The following ZFYVE26 variants were observed in gnomAD, a reference collection of about 807,000 sequenced individuals.
The protein encoded by ZFYVE26 is zinc finger FYVE-type containing 26.
ZFYVE26 carries 181 observed loss-of-function variants against 276.5 expected under a neutral mutation model. The observed-to-expected ratio is 0.65, with a 90% confidence interval of 0.58 to 0.74. ZFYVE26 has a LOEUF of 0.74. Ranked by LOEUF, ZFYVE26 falls within the 30% of genes least tolerant of loss-of-function variation. The pLI is 0.00. For synonymous variants in ZFYVE26, 1,129 were observed against 1,203.1 expected, an observed-to-expected ratio of 0.94 and a Z score of 1.27; for missense variants, 2,821 against 3,097.9, an observed-to-expected ratio of 0.91 and a Z score of 2.12.
In ZFYVE26 at chr14:67,782,786, C is replaced by T. The variant is rs144795382; in HGVS notation, c.4366G>A (p.Ala1456Thr). The T allele has an allele frequency of 2.5e-6, 4 of 1,614,196 alleles. No individual in the cohort carries two copies. The highest frequency in any genetic ancestry group is 3.4e-6 in the Non-Finnish European group (4 of 1,180,048). Residue 1456 changes from alanine (A) to threonine (T), a missense_variant, in exon 21 of 42, where the codon GCA becomes ACA. Ala to Thr is a moderately conservative substitution (Grantham distance 58). Coordinates refer to ENST00000347230, the MANE Select transcript of ZFYVE26 (RefSeq NM_015346.4). Reference sequence around the variant, plus strand: ...GGCATAGCATTCTGCTCACCACATGCCACAGCACAGCTCAGGACTGCATCC... The same window carrying T: ...GGCATAGCATTCTGCTCACCACATGTCACAGCACAGCTCAGGACTGCATCC... Reference protein sequence around the residue: ...IKDAVLSCAVACDKEGWQYLF... With the variant: ...IKDAVLSCAVTCDKEGWQYLF...
At chr14:67,768,333 A>T (rs755940234) in intron 30 of ZFYVE26, among the ~76,000 whole-genome samples, 184 bp downstream of exon 30, 4 of 152,238 alleles carry the variant, frequency 2.6e-5, no homozygotes, top group Non-Finnish European at 5.9e-5. Flanking sequence ...AGGCCAGTGT[A>T]ATAGGTTAAT....
chr14:67,815,856 T>C lies in ZFYVE26; in HGVS notation c.108A>G (p.Val36=), dbSNP rs759457505. ...RGEWELAQAC[V]PQLQEGQGDI... ...CCCCTTGTCCCTCCTGTAGCTGAGG[T>C]ACACATGCCTGTGCCAGCTCCCATT... The change falls in exon 2 of 42, where the codon GTA becomes GTG. Residue 36 remains valine, a synonymous_variant. Transcript: ENST00000347230. The C allele has an allele frequency of 1.2e-6, 2 of 1,614,118 alleles. No homozygotes were observed. Among genetic ancestry groups the C allele is most frequent in the South Asian group, 2.2e-5 (2 of 91,074 alleles).
chr14:67,738,801 A>G (rs1431841190), intron 13 of ZFYVE26, among the ~76,000 whole-genome samples: 1 of 152,180 alleles, frequency 6.6e-6, no homozygotes, highest in Non-Finnish European at 1.5e-5. Context: ...GTTAGCTGTC[A>G]CCCAGTAGTC....
At chr14:67,808,008 T>A in intron 4 of ZFYVE26, 88 bp from the exon 5 acceptor site, 1 of 1,488,970 alleles carries the variant, frequency 6.7e-7, no homozygotes, top group Non-Finnish European at 9.3e-7. Flanking sequence ...CTTTTTCAGT[T>A]TACTTATATA....
At chr14:67,769,863 G>A in intron 28 of ZFYVE26, 133 bp from the exon 29 acceptor site, 2 of 1,247,740 alleles carry the variant, frequency 1.6e-6, no homozygotes, top group Non-Finnish European at 2.3e-6. Flanking sequence ...GTCTCTATTG[G>A]AAAAGGACAC....
At chr14:67,751,620 TC>T (rs5809362) in intron 40 of ZFYVE26, 54,443 of 193,658 alleles carry the variant, frequency 0.28, 8,697 homozygotes, top group East Asian at 0.5. Context: ...ACGCCTGTAA[TC>T]CCAGCACTTT....
chr14:67,767,879 T>C (rs1414809152), intron 30 of ZFYVE26, 39 bp from the exon 31 acceptor site: 1 of 1,613,836 alleles, frequency 6.2e-7, no homozygotes, highest in African/African-American at 1.3e-5. Flanking sequence ...ATTCACTGGC[T>C]GGCAGTTCAG....
intron 16 of ZFYVE26, among the ~76,000 whole-genome samples, chr14:67,787,685 G>T (rs1465045992): frequency 6.6e-6 from 1 of 152,152 alleles, no homozygotes; most frequent in East Asian, 1.9e-4. Context: ...TTTATTTTAG[G>T]ATATAAGTAT....
chr14:67,788,361 A>C (rs2039710875), intron 16 of ZFYVE26, among the ~76,000 whole-genome samples: 1 of 152,204 alleles, frequency 6.6e-6, no homozygotes. Flanking sequence ...GTGCCACTGC[A>C]CTCCAGCCTG....
At chr14:67,788,153 G>T (rs563161965) in intron 16 of ZFYVE26, among the ~76,000 whole-genome samples, 1 of 152,184 alleles carries the variant, frequency 6.6e-6, no homozygotes, top group South Asian at 2.1e-4. Context: ...CACTTTGGGA[G>T]GCTGAGGCAG....
chr14:67,769,983 A>G (rs2039165089), intron 28 of ZFYVE26: 1 of 534,624 alleles, frequency 1.9e-6, no homozygotes. Flanking sequence ...CTACTTGTGT[A>G]TGGAGGCAAC....
At chr14:67,815,374 T>C (rs561462302) in intron 2 of ZFYVE26, among the ~76,000 whole-genome samples, 1 of 152,326 alleles carries the variant, frequency 6.6e-6, no homozygotes, top group African/African-American at 2.4e-5. Context: ...CTTGTGAGAC[T>C]GCAATTATTT....
In ZFYVE26 at chr14:67,805,542, A is replaced by G; in HGVS notation, c.1094T>C (p.Leu365Pro). The change falls in exon 7 of 42, where the codon CTC (leucine) becomes CCC (proline). Residue 365 changes from leucine (L) to proline (P), a missense_variant. Coordinates refer to ENST00000347230, the MANE Select transcript of ZFYVE26 (RefSeq NM_015346.4). The part of the protein sequence containing the change: ...GCLLDREFRP[L>P]SCLLVLLGWT... ...GCCCAGGAGTACAAGCAGGCAACTGAGGGGCCTGAATTCTCTATCAAGTAG... is the reference window on the plus strand; with the variant it reads ...GCCCAGGAGTACAAGCAGGCAACTGGGGGGCCTGAATTCTCTATCAAGTAG... 6.2e-7 allele frequency: 1 copy of G among 1,614,196 alleles called. No individual in the cohort carries two copies. The highest frequency in any genetic ancestry group is 1.1e-5 in the South Asian group (1 of 91,086).
In ZFYVE26 at chr14:67,783,228, A is replaced by G; in HGVS notation, c.3924T>C (p.Leu1308=). The part of the protein sequence containing the change: ...PALTSSALAF[L]KSRSKLLATV... ...TAGCTAGGAGCTTTGAGCGTGACTT[A>G]AGAAAGGCCAAGGCAGAGGAGGTGA... Residue 1308 remains leucine, a synonymous_variant, in exon 21 of 42, where the codon CTT becomes CTC. Transcript: ENST00000347230. 6.2e-7 allele frequency: 1 copy of G among 1,613,832 alleles called. No individual in the cohort carries two copies. The highest frequency in any genetic ancestry group is 8.5e-7 in the Non-Finnish European group (1 of 1,179,760).
chr14:67,772,717 T>G (rs1214146779), intron 27 of ZFYVE26, among the ~76,000 whole-genome samples: 1 of 152,138 alleles, frequency 6.6e-6, no homozygotes, highest in African/African-American at 2.4e-5. Context: ...GGAGAATCAC[T>G]TGAGGCCAGG....
chr14:67,797,902 G>A lies in ZFYVE26; in HGVS notation c.2248+112C>T, dbSNP rs1040039587. The A allele has an allele frequency of 1.0e-5, 16 of 1,591,630 alleles. No homozygotes were observed. In the Admixed American group the frequency reaches 1.2e-4, roughly 12 times the overall value. On this transcript the variant is annotated intron_variant, in intron 11 of 41. Coordinates refer to ENST00000347230, the MANE Select transcript of ZFYVE26 (RefSeq NM_015346.4). The stretch of plus-strand genomic sequence containing the variant: ...TTCTGACACTGGTTGCCATGGTGAC[G>A]ATATGCCCTGAGTTATGGGGTGACT...
At chr14:67,737,139 T>C (rs1380715001) in intron 13 of ZFYVE26, among the ~76,000 whole-genome samples, 1 of 146,046 alleles carries the variant, frequency 6.8e-6, no homozygotes, top group East Asian at 2.2e-4. Context: ...CTGTTGCCCA[T>C]GCTGGCCTTG....
chr14:67,776,023 A>G lies in ZFYVE26; in HGVS notation c.5058T>C (p.Leu1686=). Residue 1686 remains leucine, a synonymous_variant, in exon 26 of 42, where the codon CTT becomes CTC. Transcript: ENST00000347230. ...SNPLFMLEQL[L]MNMKVDWATV... is the part of the protein sequence containing the mutation. ...TGGCCCAATCCACCTTCATGTTCATAAGCAGCTGCTCCAGCATGAACAGGG... is the reference window on the plus strand; with the variant it reads ...TGGCCCAATCCACCTTCATGTTCATGAGCAGCTGCTCCAGCATGAACAGGG... 6.2e-7 allele frequency: 1 copy of G among 1,614,202 alleles called. No homozygotes were observed. Among genetic ancestry groups the G allele is most frequent in the Non-Finnish European group, 8.5e-7 (1 of 1,180,028 alleles).
chr14:67,751,237 G>GAGACCCCATGTCTT, intron 40 of ZFYVE26, 141 bp from the exon 41 acceptor site: 1 of 840,080 alleles, frequency 1.2e-6, no homozygotes, highest in Non-Finnish European at 2.0e-6. Flanking sequence ...AAGACATGGG[G>GAGACCCCATGTCTT]TCTCACTATG....
Sources: allele counts gnomAD v4.1 joint callset (sites outside exome capture counted in the v4.1 genomes callset), GRCh38; gene constraint gnomAD v4.1.1; transcripts MANE v1.5; gene names NCBI Gene and HGNC (gene_info 2026-07-23, HGNC 2026-07-21).